SPATA20: variants seen among roughly 807,000 people sequenced by gnomAD.
The protein encoded by SPATA20 is spermatogenesis associated 20.
Under a neutral mutation model 98.9 loss-of-function variants are expected in SPATA20, and 74 were observed. The observed-to-expected ratio is 0.75, with a 90% CI of 0.62 to 0.91. The LOEUF (loss-of-function observed/expected upper bound fraction) is 0.91, where lower values mean the gene tolerates loss of function less well. SPATA20 is among the 40% of genes least tolerant of loss of function. The pLI, the probability that SPATA20 is intolerant of heterozygous loss-of-function variation, is 0.00. For synonymous variants in SPATA20, 430 were observed against 440.5 expected, an observed-to-expected ratio of 0.98 and a Z score of 0.30; for missense variants, 1,016 against 1,069.8, an observed-to-expected ratio of 0.95 and a Z score of 0.70.
At chr17:50,552,553 CTCTT>C (rs1402676527) in intron 14 of SPATA20, among the ~76,000 whole-genome samples, 2 of 143,290 alleles carry the variant, frequency 1.4e-5, no homozygotes, top group Non-Finnish European at 3.0e-5. Flanking sequence ...TTTTCTTTCT[CTCTT>C]TCTTTCTCTT....
At chr17:50,548,037 C>G (rs764565589) in intron 2 of SPATA20, 1 of 1,475,110 alleles carries the variant, frequency 6.8e-7, no homozygotes, top group Non-Finnish European at 8.9e-7. Flanking sequence ...TCCTTCCCAC[C>G]GCCAGGCCCA....
intron 12 of SPATA20, 131 bp from the exon 13 acceptor site, chr17:50,551,380 T>C: frequency 7.8e-7 from 1 of 1,285,534 alleles, no homozygotes; most frequent in Non-Finnish European, 1.1e-6. Flanking sequence ...CCGCCATGTC[T>C]GGCTTTGGAG....
Position 50,550,931 on chromosome 17 carries a change from G to A in SPATA20, c.1383+14G>A, listed in dbSNP as rs1481614680. The A allele has an allele frequency of 1.9e-6, 3 of 1,612,198 alleles. No homozygotes were observed. The African/African-American group carries it at 4.0e-5, about 22-fold the overall frequency. The stretch of plus-strand genomic sequence containing the variant: ...AGCCCCAGTCAGGTGAGGACTTCTG[G>A]GGTCACCTGACGGGCCCTGGTGCCT... On this transcript the variant is annotated intron_variant, in intron 11 of 16. Transcript: ENST00000006658.
chr17:50,552,853 CT>C (rs539050706), intron 14 of SPATA20, among the ~76,000 whole-genome samples: 15 of 152,294 alleles, frequency 9.8e-5, no homozygotes, highest in Admixed American at 3.3e-4. Context: ...CATGCCTGGC[CT>C]GTTTCTTAAT....
At chr17:50,552,296 C>T (rs1597872304) in intron 14 of SPATA20, 116 bp downstream of exon 14, 10 of 808,958 alleles carry the variant, frequency 1.2e-5, no homozygotes, top group Admixed American at 5.8e-5. Context: ...TTATTAATGG[C>T]GTGATTTTTG....
Position 50,552,185 on chromosome 17 carries a change from G to C in SPATA20, c.1957+5G>C, listed in dbSNP as rs1470715097. 6.2e-7 allele frequency: 1 copy of C among 1,613,206 alleles called. No individual in the cohort carries two copies. The highest frequency in any genetic ancestry group is 1.7e-5 in the Admixed American group (1 of 59,974). ...TGCCCCTGCGTCTGAAGGACGGTCAGTGGGGGTGCAGGGCTAGTCTGGGGT... is the reference window on the plus strand; with the variant it reads ...TGCCCCTGCGTCTGAAGGACGGTCACTGGGGGTGCAGGGCTAGTCTGGGGT... On this transcript the variant is annotated splice_donor_5th_base_variant and intron_variant, in intron 14 of 16. Transcript: ENST00000006658.
chr17:50,554,764 G>A (rs1337543569), intron 15 of SPATA20, among the ~76,000 whole-genome samples: 1 of 152,084 alleles, frequency 6.6e-6, no homozygotes, highest in Non-Finnish European at 1.5e-5. Context: ...GGGGGATGCT[G>A]GTGTGAGTGT....
At chr17:50,553,113 CG>C (rs1567911587) in intron 14 of SPATA20, among the ~76,000 whole-genome samples, 2 of 152,200 alleles carry the variant, frequency 1.3e-5, no homozygotes, top group African/African-American at 4.8e-5. Context: ...AGAAGTAGGA[CG>C]CTCTATGTGT....
Position 50,551,661 on chromosome 17 carries a change from G to A in SPATA20, c.1727G>A (p.Gly576Glu), listed in dbSNP as rs550739517. 1 of 1,590,802 alleles carries A rather than the reference G, an allele frequency of 6.3e-7. No individual in the cohort carries two copies. Among genetic ancestry groups the A allele is most frequent in the Admixed American group, 1.7e-5 (1 of 59,622 alleles). ...ATGCGGACCTGCTACACCGGCCCTG[G>A]GGGGACTGTGGAGCACAGGTTGGGG... is the stretch of plus-strand genomic sequence containing the variant. ...RLMRTCYTGP[G>E]GTVEHSNPPC... Residue 576 changes from glycine to glutamate, a missense_variant, in exon 13 of 17, where the codon GGG becomes GAG. Transcript: ENST00000006658.
chr17:50,550,017 A>G lies in SPATA20; in HGVS notation c.895A>G (p.Ser299Gly). 1 of 1,567,232 alleles carries G rather than the reference A, an allele frequency of 6.4e-7. No homozygotes were observed. The highest frequency in any genetic ancestry group is 8.7e-7 in the Non-Finnish European group (1 of 1,150,436). Residue 299 changes from serine (S) to glycine (G), a missense_variant, in exon 8 of 17, where the codon AGC becomes GGC. By Grantham distance (56) the Ser-to-Gly change is moderately conservative (BLOSUM62 0). Transcript: ENST00000006658. Reference sequence around the variant, plus strand: ...GAGCTTCCTGTTCTCCTACTGGCTCAGCCATCGACTGACTCAGGATGGCTC... The same window carrying G: ...GAGCTTCCTGTTCTCCTACTGGCTCGGCCATCGACTGACTCAGGATGGCTC... ...ILSFLFSYWL[S>G]HRLTQDGSRA...
intron 2 of SPATA20, 190 bp downstream of exon 2, chr17:50,547,957 C>G: frequency 8.2e-7 from 1 of 1,215,886 alleles, no homozygotes; most frequent in African/African-American, 1.4e-5. Flanking sequence ...GGGGAGGGGC[C>G]TGGGGAGGGG....
In SPATA20 at chr17:50,552,143, T is replaced by C; in HGVS notation, c.1920T>C (p.Ala640=). ...SQGGGYFCSE[A]ELGAGLPLRL... ...GTGGCGGCTACTTCTGCAGTGAGGCTGAGCTGGGGGCTGGCCTGCCCCTGC... is the reference window on the plus strand; with the variant it reads ...GTGGCGGCTACTTCTGCAGTGAGGCCGAGCTGGGGGCTGGCCTGCCCCTGC... Residue 640 remains alanine (A), a synonymous_variant, in exon 14 of 17, where the codon GCT becomes GCC. Coordinates refer to ENST00000006658, the MANE Select transcript of SPATA20 (RefSeq NM_022827.4). 1 of 1,613,782 alleles carries C rather than the reference T, an allele frequency of 6.2e-7. No individual in the cohort carries two copies. The highest frequency in any genetic ancestry group is 8.5e-7 in the Non-Finnish European group (1 of 1,180,012).
Position 50,555,516 on chromosome 17 carries a change from C to G in SPATA20, c.2263C>G (p.Pro755Ala). The G allele has an allele frequency of 6.2e-7, 1 of 1,613,972 alleles. No individual in the cohort carries two copies. Among genetic ancestry groups the G allele is most frequent in the Non-Finnish European group, 8.5e-7 (1 of 1,179,988 alleles). ...GGTGCTGATTCTGGCTGATGGGGAC[C>G]CCTCGAGCTTCCTGTCCCGCCAGCT... Reference protein sequence around the residue: ...NKVLILADGDPSSFLSRQLPF... With the variant: ...NKVLILADGDASSFLSRQLPF... The change falls in exon 17 of 17, where the codon CCC becomes GCC. Residue 755 changes from proline to alanine, a missense_variant. Coordinates refer to ENST00000006658, the MANE Select transcript of SPATA20 (RefSeq NM_022827.4).
chr17:50,551,358 G>T (rs944687906), intron 12 of SPATA20, 153 bp from the exon 13 acceptor site: 3 of 1,187,308 alleles, frequency 2.5e-6, no homozygotes, highest in Non-Finnish European at 3.5e-6. Context: ...TCACGCGCAA[G>T]GGCTGGGAAC....
chr17:50,549,937 T>G, intron 7 of SPATA20, 48 bp from the exon 8 acceptor site: 1 of 1,518,422 alleles, frequency 6.6e-7, no homozygotes, highest in Non-Finnish European at 8.8e-7. Flanking sequence ...CCGATCTCTG[T>G]CCCCACTTTC....
At position 50,554,262 on chromosome 17, in the gene SPATA20, G is replaced by GCAGA. The variant is rs1266247325; in HGVS notation, c.1970_1973dup (p.Glu658AspfsTer89). 1.1e-5 allele frequency: 17 copies of GCAGA among 1,614,104 alleles called. No homozygotes were observed. Among genetic ancestry groups the GCAGA allele is most frequent in the Non-Finnish European group, 1.4e-5 (16 of 1,180,018 alleles). On this transcript the variant is annotated frameshift_variant, in exon 15 of 17. Transcript: ENST00000006658. LOFTEE classifies it high-confidence loss of function. ...CCTATGTGCTGTAGACCAGGATGGA[G>GCAGA]CAGAGCCCAGCGCCAATTCCGTGTC...
chr17:50,554,553 G>T lies in SPATA20; in HGVS notation c.2157+103G>T, dbSNP rs949789089. On this transcript the variant is annotated intron_variant, in intron 15 of 16. Transcript: ENST00000006658. ...GTGGGGTTCCTGGGCTGTCCCCAGAGCTCAGGTCTGTGTGTGTGCAGGCAC... is the reference window on the plus strand; with the variant it reads ...GTGGGGTTCCTGGGCTGTCCCCAGATCTCAGGTCTGTGTGTGTGCAGGCAC... The T allele has an allele frequency of 2.9e-5, 36 of 1,222,768 alleles. No homozygotes were observed. The African/African-American group carries it at 4.9e-4, about 17-fold the overall frequency. The allele number at this position is 1,222,768 out of a possible 1,614,324, so 75.7% of individuals were successfully genotyped here. A position where few individuals can be genotyped will look rare whatever the true frequency, so the allele number is the denominator to read the frequency against.
Position 50,548,920 on chromosome 17 carries a change from G to A in SPATA20, c.472G>A (p.Glu158Lys). The A allele has an allele frequency of 6.2e-7, 1 of 1,614,178 alleles. No homozygotes were observed. Among genetic ancestry groups the A allele is most frequent in the Admixed American group, 1.7e-5 (1 of 60,024 alleles). ...CTTTGTGAGTGTGAAGGTAGACCGT[G>A]AGGAGCGGCCTGACGTGGACAAGGT... Reference protein sequence around the residue: ...EDFVSVKVDREERPDVDKVYM... With the variant: ...EDFVSVKVDRKERPDVDKVYM... The change falls in exon 5 of 17, where the codon GAG becomes AAG. Residue 158 changes from glutamate to lysine, a missense_variant. Coordinates refer to ENST00000006658, the MANE Select transcript of SPATA20 (RefSeq NM_022827.4).
At chr17:50,547,461 C>A in intron 1 of SPATA20, 176 bp downstream of exon 1, 1 of 624,506 alleles carries the variant, frequency 1.6e-6, no homozygotes, top group Non-Finnish European at 2.8e-6. Flanking sequence ...TAAGGCCCTC[C>A]TCCCCTCCTC....
Sources: gnomAD v4.1 joint callset for allele counts (sites outside exome capture counted in the v4.1 genomes callset) on GRCh38, gnomAD v4.1.1 for gene constraint, MANE v1.5 for transcripts, NCBI Gene and HGNC (gene_info 2026-07-23, HGNC 2026-07-21) for gene names.